RASA1: variants seen among roughly 807,000 people sequenced by gnomAD.
The protein encoded by RASA1 is RAS p21 protein activator 1, also known as ras GTPase-activating protein 1.
In RASA1, 25 loss-of-function variants were observed where a neutral mutation model predicts 132.2. The observed-to-expected ratio is 0.19, with a 90% CI of 0.14 to 0.26. The LOEUF (loss-of-function observed/expected upper bound fraction) is 0.26. Among genes scored for constraint, RASA1 ranks in the 10% least tolerant of loss-of-function variants. RASA1 has a pLI of 1.00. For synonymous variants in RASA1, 477 were observed against 449.9 expected (o/e 1.06, Z -0.76); for missense variants, 964 against 1,299.2 (o/e 0.74, Z 3.97).
At chr5:87,289,256 C>T (rs1754809972) in intron 1 of RASA1, among the ~76,000 whole-genome samples, 1 of 152,148 alleles carries the variant, frequency 6.6e-6, no homozygotes, top group Admixed American at 6.5e-5. Context: ...GTTCTCAGTA[C>T]ATAAGGGCAC....
Position 87,311,141 on chromosome 5 carries a change from C to G in RASA1, c.540-20207C>G, listed in dbSNP as rs1289649093. 2.6e-5 allele frequency among the ~76,000 whole-genome samples: 4 copies of G among 152,242 alleles called. No homozygotes were observed. In the South Asian group the frequency reaches 8.3e-4, roughly 32 times the overall value. ...GAGTCGATATCTGAACTAGCCACTT[C>G]TTTTATGACACATTAGTTTTACTTT... On this transcript the variant is annotated intron_variant, in intron 1 of 24. Transcript: ENST00000274376.
intron 11 of RASA1, among the ~76,000 whole-genome samples, chr5:87,365,202 C>T (rs894714351): frequency 3.9e-5 from 6 of 152,058 alleles, no homozygotes; most frequent in Non-Finnish European, 8.8e-5. Flanking sequence ...CCCTGAGATA[C>T]TAGTGGTTGT....
intron 6 of RASA1, among the ~76,000 whole-genome samples, chr5:87,342,744 TTTGTCTAG>T (rs1177644578): frequency 2.6e-5 from 4 of 152,282 alleles, no homozygotes; most frequent in South Asian, 4.1e-4. Context: ...AGGTAATCAC[TTTGTCTAG>T]TTGTCTAGTT....
Position 87,338,087 on chromosome 5 carries a change from A to G in RASA1, c.1013A>G (p.Glu338Gly). 1 of 1,612,226 alleles carries G rather than the reference A, an allele frequency of 6.2e-7. No homozygotes were observed. Among genetic ancestry groups the G allele is most frequent in the Non-Finnish European group, 8.5e-7 (1 of 1,178,978 alleles). ...CTTATTGTTGAAGACCTAGTAGAAG[A>G]GGTGGTAAGTTTTGTTCTTTTCTTC... ...QGLIVEDLVE[E>G]VGREEDPHEG... Residue 338 changes from glutamate to glycine, a missense_variant, in exon 5 of 25, where the codon GAG becomes GGG. Transcript: ENST00000274376.
At chr5:87,339,374 A>G (rs1310502525) in intron 5 of RASA1, among the ~76,000 whole-genome samples, 6 of 152,232 alleles carry the variant, frequency 3.9e-5, no homozygotes, top group African/African-American at 1.2e-4. Context: ...ATTCTACAGT[A>G]AAAGAGATAT....
At position 87,374,337 on chromosome 5, in the gene RASA1, C is replaced by G; in HGVS notation, c.1934+17C>G. The stretch of plus-strand genomic sequence containing the variant: ...TGTCTTTGAGTAAGTCTTATTTTAT[C>G]ATTACATTAATCATTTTCTTTTACC... On this transcript the variant is annotated intron_variant, in intron 14 of 24. Coordinates refer to ENST00000274376, the MANE Select transcript of RASA1 (RefSeq NM_002890.3). 2 of 1,590,200 alleles carry G rather than the reference C, an allele frequency of 1.3e-6. No individual in the cohort carries two copies. Among genetic ancestry groups the G allele is most frequent in the Non-Finnish European group, 1.7e-6 (2 of 1,164,688 alleles).
Position 87,390,903 on chromosome 5 carries a change from C to G in RASA1, c.*20C>G, listed in dbSNP as rs1762467011. ...AGGTAGCAGCCTTCGCCCCAGTGTTCTGCATGGATTCAGCATGTCCAACAT... is the reference window on the plus strand; with the variant it reads ...AGGTAGCAGCCTTCGCCCCAGTGTTGTGCATGGATTCAGCATGTCCAACAT... On this transcript the variant is annotated 3_prime_UTR_variant, in exon 25 of 25. Coordinates refer to ENST00000274376, the MANE Select transcript of RASA1 (RefSeq NM_002890.3). 6.3e-7 allele frequency: 1 copy of G among 1,586,342 alleles called. No homozygotes were observed. Among genetic ancestry groups the G allele is most frequent in the Non-Finnish European group, 8.7e-7 (1 of 1,154,966 alleles).
intron 11 of RASA1, chr5:87,366,446 G>C: frequency 2.9e-6 from 1 of 342,566 alleles, no homozygotes; most frequent in East Asian, 7.5e-5. Context: ...TAAAAAGAAG[G>C]ATCAGATCCT....
chr5:87,363,662 TA>T (rs1760282963), intron 11 of RASA1, among the ~76,000 whole-genome samples, 158 bp downstream of exon 11: 1 of 152,098 alleles, frequency 6.6e-6, no homozygotes, highest in African/African-American at 2.4e-5. Context: ...TGTAGACTAA[TA>T]TATACATAAA....
intron 1 of RASA1, among the ~76,000 whole-genome samples, chr5:87,284,487 AT>A (rs778483399): frequency 3.9e-5 from 6 of 152,194 alleles, no homozygotes; most frequent in Non-Finnish European, 8.8e-5. Context: ...ATTTAGGAAT[AT>A]TTTACTGTCT....
intron 1 of RASA1, chr5:87,318,773 A>T (rs1756542805): frequency 6.6e-6 from 1 of 152,202 alleles, no homozygotes. Context: ...ATCTCATATT[A>T]TTCTCACATG....
intron 23 of RASA1, among the ~76,000 whole-genome samples, chr5:87,387,370 T>C (rs190139159): frequency 1.3e-5 from 2 of 152,186 alleles, no homozygotes; most frequent in African/African-American, 2.4e-5. Flanking sequence ...TCAGTGTGAA[T>C]ATCTGTGCCT....
chr5:87,340,970 T>G (rs935715837), intron 5 of RASA1, among the ~76,000 whole-genome samples: 1 of 151,926 alleles, frequency 6.6e-6, no homozygotes, highest in African/African-American at 2.4e-5. Context: ...GTTTTTTTTT[T>G]GTTTGGTTTT....
At chr5:87,329,558 G>A (rs939864920) in intron 1 of RASA1, among the ~76,000 whole-genome samples, 1 of 152,124 alleles carries the variant, frequency 6.6e-6, no homozygotes, top group Non-Finnish European at 1.5e-5. Context: ...ATGTATCTCT[G>A]TGTATCATTT....
chr5:87,338,945 A>C (rs912825897), intron 5 of RASA1, among the ~76,000 whole-genome samples: 4 of 152,072 alleles, frequency 2.6e-5, no homozygotes, highest in African/African-American at 9.7e-5. Flanking sequence ...TGCATTTTTA[A>C]TAACAGGTCA....
chr5:87,301,623 A>AC lies in RASA1; in HGVS notation c.540-29723dup, dbSNP rs1294388049. Among the ~76,000 whole-genome samples, 3 of 152,186 alleles carry AC rather than the reference A, an allele frequency of 2.0e-5. No homozygotes were observed. The East Asian group carries it at 5.8e-4, about 29-fold the overall frequency. On this transcript the variant is annotated intron_variant, in intron 1 of 24. Transcript: ENST00000274376. Reference sequence around the variant, plus strand: ...GGTTGAGTTTCCCTTAATGCTTAGGACCAGAAGTGTTTCAGATTTCGTATT... The same window carrying AC: ...GGTTGAGTTTCCCTTAATGCTTAGGACCCAGAAGTGTTTCAGATTTCGTATT...
At chr5:87,365,906 C>T (rs1220897465) in intron 11 of RASA1, among the ~76,000 whole-genome samples, 1 of 151,886 alleles carries the variant, frequency 6.6e-6, no homozygotes, top group Non-Finnish European at 1.5e-5. Context: ...ACCTGAATTC[C>T]ATATTAAATA....
At chr5:87,325,152 GGA>G (rs1397853182) in intron 1 of RASA1, among the ~76,000 whole-genome samples, 11 of 152,152 alleles carry the variant, frequency 7.2e-5, no homozygotes, top group Admixed American at 6.5e-4. Flanking sequence ...GTGTCATCAA[GGA>G]GAAGTACTGA....
rs1181989461 is a variant in RASA1 at position 87,379,990 on chromosome 5, A to AT, written c.2603+142dup. 6.5e-6 allele frequency: 6 copies of AT among 918,888 alleles called. No homozygotes were observed. In the Admixed American group the frequency reaches 1.3e-4, roughly 20 times the overall value. The allele number at this position is 918,888 out of a possible 1,614,324, so 56.9% of individuals were successfully genotyped here. On this transcript the variant is annotated intron_variant, in intron 19 of 24. Coordinates refer to ENST00000274376, the MANE Select transcript of RASA1 (RefSeq NM_002890.3). ...GTCATGGTTAATCTTTATGAGATGAATTGTATTTAAAGAAAATAGCTGTCT... is the reference window on the plus strand; with the variant it reads ...GTCATGGTTAATCTTTATGAGATGAATTTGTATTTAAAGAAAATAGCTGTCT...
Sources: allele counts gnomAD v4.1 joint callset (sites outside exome capture counted in the v4.1 genomes callset), GRCh38; gene constraint gnomAD v4.1.1; transcripts MANE v1.5; gene names NCBI Gene and HGNC (gene_info 2026-07-23, HGNC 2026-07-21).